Variants in SLC15A5 observed in about 807,000 individuals in gnomAD.
SLC15A5 encodes the protein solute carrier family 15 member 5, also known as Peptide/histidine transporter ENSP00000340402.
In SLC15A5, 58 loss-of-function variants were observed where a neutral mutation model predicts 56.1. The ratio of observed to expected loss-of-function variants is 1.03; its 90% CI spans 0.84 to 1.29. The LOEUF is 1.29. Ranked by LOEUF, SLC15A5 falls within the 50% of genes most tolerant of loss-of-function variation. The pLI, the probability that SLC15A5 is intolerant of heterozygous loss-of-function variation, is 0.00. For synonymous variants in SLC15A5, 264 were observed against 250.5 expected, an observed-to-expected ratio of 1.05 and a Z score of -0.51; for missense variants, 681 against 672.1, an observed-to-expected ratio of 1.01 and a Z score of -0.15.
rs1014922806 is a variant in SLC15A5, at chr12:16,272,812, T to C, written c.362-29A>G. ...TAGGTGGAGAAAAAAAAAGAGTAAA[T>C]GTAGCATAGAACAAGTGGATCACCA... On this transcript the variant is annotated intron_variant, in intron 1 of 8. Coordinates refer to ENST00000344941, the MANE Select transcript of SLC15A5 (RefSeq NM_001170798.1). 9 of 1,516,990 alleles carry C rather than the reference T, an allele frequency of 5.9e-6. No individual in the cohort carries two copies. In the African/African-American group the frequency reaches 1.2e-4, roughly 21 times the overall value. 94.0% of individuals were successfully genotyped at this position (1,516,990 alleles called of 1,614,324 possible).
intron 7 of SLC15A5, among the ~76,000 whole-genome samples, chr12:16,209,412 T>G (rs143787096): frequency 3.0e-4 from 46 of 152,254 alleles, no homozygotes; most frequent in African/African-American, 1.1e-3. Context: ...TTCTTAATAC[T>G]CACACTATGT....
At chr12:16,228,992 T>A (rs1864269764) in intron 5 of SLC15A5, among the ~76,000 whole-genome samples, 1 of 152,176 alleles carries the variant, frequency 6.6e-6, no homozygotes, top group South Asian at 2.1e-4. Context: ...GTATTATAAA[T>A]CAATTTGCTT....
intron 2 of SLC15A5, among the ~76,000 whole-genome samples, chr12:16,262,257 C>T (rs928051925): frequency 6.6e-6 from 1 of 152,238 alleles, no homozygotes; most frequent in South Asian, 2.1e-4. Context: ...AATTTCATGA[C>T]ACTATCATTT....
At chr12:16,267,115 A>G (rs915761217) in intron 2 of SLC15A5, among the ~76,000 whole-genome samples, 3 of 152,220 alleles carry the variant, frequency 2.0e-5, no homozygotes, top group Non-Finnish European at 4.4e-5. Flanking sequence ...AATTATTTAA[A>G]TGGTCTTTCC....
intron 6 of SLC15A5, among the ~76,000 whole-genome samples, chr12:16,222,266 TAGTC>T (rs1391982449): frequency 6.6e-6 from 1 of 152,204 alleles, no homozygotes; most frequent in Non-Finnish European, 1.5e-5. Context: ...GTCACAGAGT[TAGTC>T]AGTGACAGAA....
In SLC15A5 at chr12:16,237,850, A is replaced by G. The variant is rs1864366897; in HGVS notation, c.1162+1831T>C. On this transcript the variant is annotated intron_variant, in intron 5 of 8. Coordinates refer to ENST00000344941, the MANE Select transcript of SLC15A5 (RefSeq NM_001170798.1). The surrounding 1 kb of genome is among the most constrained non-coding windows in gnomAD (Gnocchi z 4.1). Reference sequence around the variant, plus strand: ...TGATTTTACTCCTATTTTGTCCTGCATGCATTATGTTTCAATCATGGACTT... The same window carrying G: ...TGATTTTACTCCTATTTTGTCCTGCGTGCATTATGTTTCAATCATGGACTT... 6.6e-6 allele frequency among the ~76,000 whole-genome samples: 1 copy of G among 152,152 alleles called. No homozygotes were observed.
At chr12:16,255,006 A>T (rs1864555466) in intron 3 of SLC15A5, among the ~76,000 whole-genome samples, 1 of 152,122 alleles carries the variant, frequency 6.6e-6, no homozygotes, top group African/African-American at 2.4e-5. Context: ...TTTTCCCAAC[A>T]CAAAGAAATG....
At chr12:16,244,534 C>T (rs984595017) in intron 4 of SLC15A5, 46 bp downstream of exon 4, 75 of 1,487,478 alleles carry the variant, frequency 5.0e-5, no homozygotes, top group Non-Finnish European at 6.6e-5. Context: ...TGTTGACATG[C>T]AATCACTTTC....
intron 6 of SLC15A5, among the ~76,000 whole-genome samples, chr12:16,222,146 G>A (rs1006656701): frequency 9.9e-5 from 15 of 152,060 alleles, no homozygotes; most frequent in African/African-American, 3.4e-4. Flanking sequence ...GTCTATATAC[G>A]GGGCACTGCG....
chr12:16,199,690 C>A (rs1167483014), intron 7 of SLC15A5, among the ~76,000 whole-genome samples: 1 of 152,074 alleles, frequency 6.6e-6, no homozygotes, highest in African/African-American at 2.4e-5. Context: ...ATAAATTTAT[C>A]AAATGATCAC....
At chr12:16,215,211 AAAAAAAAAAAAAAAAAAAC>A (rs1274090835) in intron 7 of SLC15A5, among the ~76,000 whole-genome samples, 2 of 139,360 alleles carry the variant, frequency 1.4e-5, no homozygotes, top group South Asian at 5.1e-4. Context: ...TCAAAAAAAA[AAAAAAAAAAAAAAAAAAAC>A]CAAAGTGAGG....
At chr12:16,266,150 A>G (rs1864694004) in intron 2 of SLC15A5, among the ~76,000 whole-genome samples, 1 of 152,224 alleles carries the variant, frequency 6.6e-6, no homozygotes, top group African/African-American at 2.4e-5. Flanking sequence ...ATAATTTTCT[A>G]GGACAACTGG....
intron 7 of SLC15A5, among the ~76,000 whole-genome samples, chr12:16,215,467 A>C (rs562429729): frequency 6.6e-6 from 1 of 152,352 alleles, no homozygotes; most frequent in South Asian, 2.1e-4. Context: ...AACATGTTCA[A>C]CACTGAAAAT....
chr12:16,249,226 A>G (rs1463923697), intron 3 of SLC15A5, among the ~76,000 whole-genome samples: 2 of 152,084 alleles, frequency 1.3e-5, no homozygotes, highest in Admixed American at 6.6e-5. Context: ...AGCTAAACAT[A>G]ATGAAATGCA....
At chr12:16,259,900 G>GGGA (rs1555173553) in intron 2 of SLC15A5, among the ~76,000 whole-genome samples, 4 of 151,082 alleles carry the variant, frequency 2.6e-5, no homozygotes, top group East Asian at 1.9e-4. Flanking sequence ...CACCACCCGG[G>GGGA]CGGGGGGTAA....
At position 16,237,331 on chromosome 12, in the gene SLC15A5, A is replaced by G. The variant is rs1864361906; in HGVS notation, c.1162+2350T>C. 6.6e-6 allele frequency among the ~76,000 whole-genome samples: 1 copy of G among 152,326 alleles called. No homozygotes were observed. Among genetic ancestry groups the G allele is most frequent in the South Asian group, 2.1e-4 (1 of 4,834 alleles). ...TATTCCCATAGCAAAACGTTATGCA[A>G]ATAAACGTACAAGTATGCAAATCAA... On this transcript the variant is annotated intron_variant, in intron 5 of 8. Coordinates refer to ENST00000344941, the MANE Select transcript of SLC15A5 (RefSeq NM_001170798.1). This position sits in a 1 kb window ranked among gnomAD's most constrained non-coding sequence, Gnocchi z 4.1.
intron 2 of SLC15A5, 114 bp downstream of exon 2, chr12:16,272,447 A>G (rs1399254312): frequency 2.1e-6 from 2 of 963,352 alleles, no homozygotes; most frequent in Non-Finnish European, 3.1e-6. Context: ...TCATCACATC[A>G]TCACTTAGCC....
At chr12:16,219,712 C>G (rs1458300045) in intron 6 of SLC15A5, among the ~76,000 whole-genome samples, 1 of 151,870 alleles carries the variant, frequency 6.6e-6, no homozygotes, top group Non-Finnish European at 1.5e-5. Flanking sequence ...TAGGCATCTA[C>G]TTGCATGTTC....
chr12:16,198,441 C>G (rs4335597), intron 7 of SLC15A5, among the ~76,000 whole-genome samples: 73,215 of 151,850 alleles, frequency 0.48, 18,124 homozygotes, highest in South Asian at 0.72. Context: ...TCTAGACTCA[C>G]TCTTTATTTT....
Sources: gnomAD v4.1 joint callset for allele counts (sites outside exome capture counted in the v4.1 genomes callset) on GRCh38, gnomAD v4.1.1 for gene constraint, Gnocchi (gnomAD v3.1) non-coding constraint, MANE v1.5 for transcripts, NCBI Gene and HGNC (gene_info 2026-07-23, HGNC 2026-07-21) for gene names.